The following SPAG1 variants were observed in gnomAD, a reference collection of about 807,000 sequenced individuals.
The protein encoded by SPAG1 is sperm-associated antigen 1.
In SPAG1, 69 loss-of-function variants were observed where a neutral mutation model predicts 100.5. That is an observed-to-expected ratio of 0.69 (90% CI 0.57 to 0.84). The LOEUF (loss-of-function observed/expected upper bound fraction) is 0.84, where lower values mean the gene tolerates loss of function less well. Ranked by LOEUF, SPAG1 falls within the 40% of genes least tolerant of loss-of-function variation. The pLI is 0.00. For synonymous variants in SPAG1, 336 were observed against 411.6 expected (o/e 0.82, Z 2.22); for missense variants, 955 against 1,133.1 (o/e 0.84, Z 2.26).
chr8:100,239,009 G>A lies in SPAG1; in HGVS notation c.2116-231G>A, dbSNP rs757634775. Reference sequence around the variant, plus strand: ...TGTGGTGATACAGAATTTAACTTGCGTTTTCTAACTCCAGATCCTGTGCTT... The same window carrying A: ...TGTGGTGATACAGAATTTAACTTGCATTTTCTAACTCCAGATCCTGTGCTT... On this transcript the variant is annotated intron_variant, in intron 16 of 18. Coordinates refer to ENST00000388798, the MANE Select transcript of SPAG1 (RefSeq NM_003114.5). This position sits in a 1 kb window ranked among gnomAD's most constrained non-coding sequence, Gnocchi z 5.0. Among the ~76,000 whole-genome samples, 10 of 152,114 alleles carry A rather than the reference G, an allele frequency of 6.6e-5. No individual in the cohort carries two copies. Among genetic ancestry groups the A allele is most frequent in the African/African-American group, 1.2e-4 (5 of 41,428 alleles).
intron 4 of SPAG1, among the ~76,000 whole-genome samples, chr8:100,178,838 T>G (rs1380210609): frequency 6.6e-6 from 1 of 152,138 alleles, no homozygotes; most frequent in Non-Finnish European, 1.5e-5. Context: ...GGCTCACGCC[T>G]GTAATCCCAG....
chr8:100,180,955 A>T (rs988876919), intron 4 of SPAG1, among the ~76,000 whole-genome samples: 36 of 152,334 alleles, frequency 2.4e-4, no homozygotes, highest in African/African-American at 8.4e-4. Context: ...TATAACTCCA[A>T]TGACCAATAA....
Position 100,220,551 on chromosome 8 carries a change from T to C in SPAG1, c.1688+120T>C, listed in dbSNP as rs528734191. On this transcript the variant is annotated intron_variant, in intron 13 of 18. Transcript: ENST00000388798. Reference sequence around the variant, plus strand: ...TCAGTTACTTTTATCACCTGAATGATTGCCTTCTTTTATTCCATTACATCA... The same window carrying C: ...TCAGTTACTTTTATCACCTGAATGACTGCCTTCTTTTATTCCATTACATCA... The C allele has an allele frequency of 4.7e-5, 34 of 725,416 alleles. No individual in the cohort carries two copies. The East Asian group carries it at 8.9e-4, about 19-fold the overall frequency. The allele number at this position is 725,416 out of a possible 1,614,324, so 44.9% of individuals were successfully genotyped here. A position where few individuals can be genotyped will look rare whatever the true frequency, so the allele number is the denominator to read the frequency against.
rs535747432 is a variant in SPAG1 at position 100,182,258 on chromosome 8, C to T, written c.427-1117C>T. On this transcript the variant is annotated intron_variant, in intron 4 of 18. Transcript: ENST00000388798. ...GCCTTTCTCTCATTCTGTTCTGGTG[C>T]AGAACCTGCCCTCTGTCTTTAGCAG... Among the ~76,000 whole-genome samples, 21 of 152,298 alleles carry T rather than the reference C, an allele frequency of 1.4e-4. 1 individual carries two copies. Among genetic ancestry groups the T allele is most frequent in the African/African-American group, 4.6e-4 (19 of 41,566 alleles).
In SPAG1 at chr8:100,240,566, C is replaced by T. The variant is rs4734455; in HGVS notation, c.2444C>T (p.Ala815Val). 184 of 1,613,942 alleles carry T rather than the reference C, an allele frequency of 1.1e-4. 1 individual carries two copies. In the East Asian group the frequency reaches 3.1e-3, roughly 27 times the overall value. The change falls in exon 18 of 19, where the codon GCT (alanine) becomes GTT (valine). Residue 815 changes from alanine to valine, a missense_variant. Transcript: ENST00000388798. ...TATGAATTTGGTCAGATTATAAATG[C>T]TCTCAGTACCAGGAAGGATAAAGAA... ...NAYEFGQIIN[A>V]LSTRKDKEAC...
At chr8:100,214,988 CATATATATATATATATATATATA>C (rs1817901889) in intron 12 of SPAG1, among the ~76,000 whole-genome samples, 1 of 68,852 alleles carries the variant, frequency 1.5e-5, no homozygotes. Flanking sequence ...AAACTTTACT[CATATATATATATATATATATATA>C]TATATATATA....
At chr8:100,175,677 C>T (rs1177574428) in intron 3 of SPAG1, among the ~76,000 whole-genome samples, 3 of 152,130 alleles carry the variant, frequency 2.0e-5, no homozygotes, top group African/African-American at 7.2e-5. Flanking sequence ...GACCACTTGA[C>T]CCCTTCGGTC....
At chr8:100,235,480 C>T (rs908631914) in intron 16 of SPAG1, among the ~76,000 whole-genome samples, 1 of 152,048 alleles carries the variant, frequency 6.6e-6, no homozygotes, top group African/African-American at 2.4e-5. Context: ...CAGGTTCTGG[C>T]TGGGTGGCTG....
intron 16 of SPAG1, among the ~76,000 whole-genome samples, chr8:100,237,652 C>T (rs1406191834): frequency 6.6e-6 from 1 of 152,174 alleles, no homozygotes; most frequent in Non-Finnish European, 1.5e-5. Flanking sequence ...TGCTCAGAGA[C>T]CATCTGTGAA....
At position 100,169,194 on chromosome 8, in the gene SPAG1, C is replaced by T. The variant is rs192061740; in HGVS notation, c.300+3221C>T. On this transcript the variant is annotated intron_variant, in intron 3 of 18. Coordinates refer to ENST00000388798, the MANE Select transcript of SPAG1 (RefSeq NM_003114.5). Reference sequence around the variant, plus strand: ...TTTAATTTTTGTATTGGTGTTTGAACAAAAAGTGTTCAAGCACCATTTAAT... The same window carrying T: ...TTTAATTTTTGTATTGGTGTTTGAATAAAAAGTGTTCAAGCACCATTTAAT... 8.0e-3 allele frequency among the ~76,000 whole-genome samples: 1,212 copies of T among 152,052 alleles called. 5 individuals carry two copies. Among genetic ancestry groups the T allele is most frequent in the Non-Finnish European group, 0.014 (945 of 67,974 alleles).
chr8:100,175,154 A>G (rs998142530), intron 3 of SPAG1, among the ~76,000 whole-genome samples: 1 of 151,454 alleles, frequency 6.6e-6, no homozygotes, highest in Non-Finnish European at 1.5e-5. Context: ...CTCCTGGCTT[A>G]ATGGCTTTTT....
chr8:100,189,049 C>T (rs1195134182), intron 8 of SPAG1, among the ~76,000 whole-genome samples: 1 of 151,990 alleles, frequency 6.6e-6, no homozygotes, highest in African/African-American at 2.4e-5. Flanking sequence ...ACAAAACTCT[C>T]GGCCAGGCTT....
Position 100,239,049 on chromosome 8 carries a change from G to A in SPAG1, c.2116-191G>A, listed in dbSNP as rs1357284825. Among the ~76,000 whole-genome samples, 2 of 152,002 alleles carry A rather than the reference G, an allele frequency of 1.3e-5. No homozygotes were observed. Among genetic ancestry groups the A allele is most frequent in the Non-Finnish European group, 2.9e-5 (2 of 68,002 alleles). Reference sequence around the variant, plus strand: ...ATCCTGTGCTTTTTCTTCTATAGTCGATGTTCACTGTATCATGGGTTATAC... The same window carrying A: ...ATCCTGTGCTTTTTCTTCTATAGTCAATGTTCACTGTATCATGGGTTATAC... On this transcript the variant is annotated intron_variant, in intron 16 of 18. Transcript: ENST00000388798. This position sits in a 1 kb window ranked among gnomAD's most constrained non-coding sequence, Gnocchi z 5.0.
At position 100,230,851 on chromosome 8, in the gene SPAG1, C is replaced by A. The variant is rs1818737191; in HGVS notation, c.1856-305C>A. The stretch of plus-strand genomic sequence containing the variant: ...GGTCAAGGTGGTCTTGAACTCCTGA[C>A]CTCAGGTGATCCGCCCGCCTCGGCC... On this transcript the variant is annotated intron_variant, in intron 14 of 18. Transcript: ENST00000388798. Among the ~76,000 whole-genome samples, 6 of 152,182 alleles carry A rather than the reference C, an allele frequency of 3.9e-5. 1 individual carries two copies. In the South Asian group the frequency reaches 1.2e-3, roughly 32 times the overall value.
intron 10 of SPAG1, among the ~76,000 whole-genome samples, chr8:100,197,333 C>G (rs1817077139): frequency 6.6e-6 from 1 of 152,016 alleles, no homozygotes; most frequent in African/African-American, 2.4e-5. Flanking sequence ...AGTAAGTTCC[C>G]TTTTATCAGA....
rs139599462 is a variant in SPAG1, at chr8:100,192,131, GCA to G, written c.939+639_939+640del. On this transcript the variant is annotated intron_variant, in intron 9 of 18. Coordinates refer to ENST00000388798, the MANE Select transcript of SPAG1 (RefSeq NM_003114.5). ...ACATAGAGTGGCCCAGATGGATGTT[GCA>G]CACTCAATGGATTTATGTGATGGCT... Among the ~76,000 whole-genome samples the G allele has an allele frequency of 1.4e-3, 220 of 152,254 alleles. 2 individuals carry two copies. In the East Asian group the frequency reaches 0.025, roughly 17 times the overall value.
intron 14 of SPAG1, among the ~76,000 whole-genome samples, chr8:100,230,625 C>T (rs1381047464): frequency 6.6e-6 from 1 of 152,052 alleles, no homozygotes; most frequent in Admixed American, 6.5e-5. Flanking sequence ...TTACTTGTAT[C>T]TTATTTTATT....
intron 3 of SPAG1, 61 bp downstream of exon 3, chr8:100,166,034 A>G: frequency 7.1e-7 from 1 of 1,398,936 alleles, no homozygotes; most frequent in East Asian, 2.4e-5. Flanking sequence ...TGTTTACTTC[A>G]CTTATCGGAA....
At chr8:100,213,473 G>A (rs1007676224) in intron 11 of SPAG1, 45 bp downstream of exon 11, 2 of 1,345,748 alleles carry the variant, frequency 1.5e-6, no homozygotes, top group Non-Finnish European at 1.9e-6. Context: ...CTCGCGCTGC[G>A]GTTCACCCGA....
Sources: allele counts gnomAD v4.1 joint callset (sites outside exome capture counted in the v4.1 genomes callset), GRCh38; gene constraint gnomAD v4.1.1; non-coding constraint Gnocchi (gnomAD v3.1); transcripts MANE v1.5; gene names NCBI Gene and HGNC (gene_info 2026-07-23, HGNC 2026-07-21).